SHB: variants seen among roughly 807,000 people sequenced by gnomAD.
SHB encodes SH2 domain-containing adapter protein B.
SHB carries 20 observed loss-of-function variants against 52.3 expected under a neutral mutation model. The ratio of observed to expected loss-of-function variants is 0.38; its 90% CI spans 0.27 to 0.56. The LOEUF (loss-of-function observed/expected upper bound fraction) is 0.56. SHB is among the 20% of genes least tolerant of loss of function. The probability of loss-of-function intolerance (pLI) is 0.71; values close to 1 mark genes in which losing one functional copy is unlikely to be tolerated. For synonymous variants in SHB, 397 were observed against 316.5 expected, an observed-to-expected ratio of 1.25 and a Z score of -2.70; for missense variants, 825 against 723.3, an observed-to-expected ratio of 1.14 and a Z score of -1.61.
chr9:37,928,485 G>A (rs1431426954), intron 5 of SHB, among the ~76,000 whole-genome samples: 1 of 152,190 alleles, frequency 6.6e-6, no homozygotes, highest in Non-Finnish European at 1.5e-5. Context: ...CAATGTCTTG[G>A]TACATAGGTG....
chr9:37,998,108 G>A (rs984672768), intron 2 of SHB, among the ~76,000 whole-genome samples: 3 of 152,212 alleles, frequency 2.0e-5, no homozygotes, highest in Non-Finnish European at 2.9e-5. Flanking sequence ...CCAACTGCCT[G>A]CTTGTAAAGG....
At chr9:38,022,417 G>A (rs1458769634) in intron 1 of SHB, among the ~76,000 whole-genome samples, 1 of 152,230 alleles carries the variant, frequency 6.6e-6, no homozygotes, top group Non-Finnish European at 1.5e-5. Context: ...GCCTGTCATT[G>A]ACTGTGAGAG....
At chr9:37,998,438 T>C (rs1820975794) in intron 2 of SHB, among the ~76,000 whole-genome samples, 1 of 152,172 alleles carries the variant, frequency 6.6e-6, no homozygotes, top group African/African-American at 2.4e-5. Context: ...CATGTTCTGA[T>C]GGTCTCAAAA....
intron 2 of SHB, among the ~76,000 whole-genome samples, chr9:38,002,288 C>A (rs1821024656): frequency 6.6e-6 from 1 of 152,192 alleles, no homozygotes; most frequent in South Asian, 2.1e-4. Flanking sequence ...GAAATGCCAA[C>A]AATCTGACAA....
rs1832111876 is a variant in SHB, at chr9:37,917,252, A to G, written c.*2569T>C. On this transcript the variant is annotated 3_prime_UTR_variant, in exon 6 of 6. Transcript: ENST00000377707. Reference sequence around the variant, plus strand: ...TCTTTTCAGCAGCTCCCATCCTGTAAGCTGGCTCCTCTGCTGGCCTCTGTC... The same window carrying G: ...TCTTTTCAGCAGCTCCCATCCTGTAGGCTGGCTCCTCTGCTGGCCTCTGTC... Among the ~76,000 whole-genome samples, 1 of 152,200 alleles carries G rather than the reference A, an allele frequency of 6.6e-6. No individual in the cohort carries two copies. The highest frequency in any genetic ancestry group is 6.5e-5 in the Admixed American group (1 of 15,282).
In SHB at chr9:37,968,724, C is replaced by T. The variant is rs1466405221; in HGVS notation, c.1054+5898G>A. Among the ~76,000 whole-genome samples, 4 of 152,178 alleles carry T rather than the reference C, an allele frequency of 2.6e-5. No homozygotes were observed. In the East Asian group the frequency reaches 7.7e-4, roughly 29 times the overall value. ...TCAAGAGCTGCAGTTACTTACTTCT[C>T]AGATACAAGTGCAAATTATTAAAGA... On this transcript the variant is annotated intron_variant, in intron 3 of 5. Transcript: ENST00000377707.
At chr9:38,067,521 C>T (rs541694881) in intron 1 of SHB, among the ~76,000 whole-genome samples, 9 of 152,284 alleles carry the variant, frequency 5.9e-5, no homozygotes, top group African/African-American at 2.2e-4. Context: ...CCCTTCCTTG[C>T]TCTGGACCTC....
intron 5 of SHB, among the ~76,000 whole-genome samples, chr9:37,947,669 G>A (rs1444581737): frequency 1.3e-5 from 2 of 152,198 alleles, no homozygotes; most frequent in Non-Finnish European, 2.9e-5. Context: ...ACACAGGCCA[G>A]TTTCACCTTC....
intron 2 of SHB, among the ~76,000 whole-genome samples, chr9:37,986,795 G>C (rs1429174345): frequency 2.6e-5 from 4 of 152,218 alleles, no homozygotes; most frequent in Non-Finnish European, 5.9e-5. Context: ...CGGGGCCCCT[G>C]TGCTGCAGAG....
chr9:37,930,608 A>G (rs1832302154), intron 5 of SHB, among the ~76,000 whole-genome samples: 1 of 152,230 alleles, frequency 6.6e-6, no homozygotes, highest in Non-Finnish European at 1.5e-5. Flanking sequence ...GTTCACCAGC[A>G]CAGCAATGAA....
chr9:38,031,882 GC>G (rs1406863638), intron 1 of SHB, among the ~76,000 whole-genome samples: 1 of 152,212 alleles, frequency 6.6e-6, no homozygotes, highest in African/African-American at 2.4e-5. Flanking sequence ...TTTCAAAAGA[GC>G]AAACTTTGAT....
intron 2 of SHB, among the ~76,000 whole-genome samples, chr9:37,998,937 A>T (rs943566354): frequency 2.0e-5 from 3 of 152,294 alleles, no homozygotes; most frequent in Admixed American, 6.5e-5. Flanking sequence ...GCTCTGGGGA[A>T]CCCACTGTGA....
intron 1 of SHB, among the ~76,000 whole-genome samples, chr9:38,036,817 T>C (rs1821494392): frequency 6.6e-6 from 1 of 152,124 alleles, no homozygotes; most frequent in South Asian, 2.1e-4. Context: ...AACATCCCTA[T>C]GGATTTGATT....
chr9:37,974,559 G>T, intron 3 of SHB, 63 bp downstream of exon 3: 2 of 1,430,708 alleles, frequency 1.4e-6, no homozygotes, highest in Non-Finnish European at 1.9e-6. Flanking sequence ...CGCAGGTGGG[G>T]ACCAAGGTGA....
intron 3 of SHB, among the ~76,000 whole-genome samples, chr9:37,959,154 T>C (rs1832667936): frequency 1.3e-5 from 2 of 152,116 alleles, no homozygotes; most frequent in Admixed American, 6.6e-5. Context: ...ACCCCCTCAA[T>C]GACGGGAGGG....
intron 1 of SHB, among the ~76,000 whole-genome samples, chr9:38,030,519 G>A (rs1020599088): frequency 4.6e-5 from 7 of 152,122 alleles, no homozygotes; most frequent in African/African-American, 1.4e-4. Context: ...CTTTATTTCT[G>A]GGGTTAAGAA....
intron 5 of SHB, among the ~76,000 whole-genome samples, chr9:37,946,249 G>A (rs904671684): frequency 3.3e-5 from 5 of 152,196 alleles, no homozygotes; most frequent in African/African-American, 7.2e-5. Context: ...GCATGCCTAC[G>A]CTGTGAGGGC....
chr9:37,996,523 C>T (rs138326777), intron 2 of SHB, among the ~76,000 whole-genome samples: 2 of 152,318 alleles, frequency 1.3e-5, no homozygotes, highest in East Asian at 3.9e-4. Context: ...TTTGGTAATT[C>T]AATGAACACT....
chr9:38,045,682 G>C (rs1821642978), intron 1 of SHB, among the ~76,000 whole-genome samples: 1 of 151,946 alleles, frequency 6.6e-6, no homozygotes, highest in South Asian at 2.1e-4. Context: ...TAATGAACCT[G>C]ACTATACAAC....
Sources: gnomAD v4.1 joint callset for allele counts (sites outside exome capture counted in the v4.1 genomes callset) on GRCh38, gnomAD v4.1.1 for gene constraint, MANE v1.5 for transcripts, NCBI Gene and HGNC (gene_info 2026-07-23, HGNC 2026-07-21) for gene names.